Variants in ITIH5 observed in about 807,000 individuals in gnomAD.
ITIH5 encodes inter-alpha-trypsin inhibitor heavy chain H5.
Under a neutral mutation model 77.5 loss-of-function variants are expected in ITIH5, and 65 were observed. The ratio of observed to expected loss-of-function variants is 0.84; its 90% CI spans 0.69 to 1.03. The LOEUF is 1.03. Ranked by LOEUF, ITIH5 falls within the 50% of genes least tolerant of loss-of-function variation. ITIH5 has a pLI of 0.00. For synonymous variants in ITIH5, 525 were observed against 494.3 expected (o/e 1.06, Z -0.82); for missense variants, 1,208 against 1,213.1 (o/e 1.00, Z 0.06).
intron 13 of ITIH5, among the ~76,000 whole-genome samples, chr10:7,564,809 A>G (rs1217899081): frequency 5.9e-5 from 9 of 151,512 alleles, no homozygotes; most frequent in Non-Finnish European, 8.8e-5. Flanking sequence ...CTGTGTGTAT[A>G]TATACACACA....
rs1349018549 is a variant in ITIH5 at position 7,627,340 on chromosome 10, A to T, written c.652+9888T>A. On this transcript the variant is annotated intron_variant, in intron 5 of 13. Transcript: ENST00000397146. Reference sequence around the variant, plus strand: ...AATAAGAAGATAAAGTAAAAAAAAAAAAAAAAAAAATTAAACAGGTTCAAT... The same window carrying T: ...AATAAGAAGATAAAGTAAAAAAAAATAAAAAAAAAATTAAACAGGTTCAAT... 1.5e-3 allele frequency among the ~76,000 whole-genome samples: 222 copies of T among 151,964 alleles called. 2 individuals carry two copies. The highest frequency in any genetic ancestry group is 5.1e-3 in the African/African-American group (210 of 41,512).
intron 7 of ITIH5, among the ~76,000 whole-genome samples, chr10:7,603,407 A>G (rs1170687114): frequency 6.6e-6 from 1 of 152,142 alleles, no homozygotes; most frequent in Non-Finnish European, 1.5e-5. Context: ...GTGAACAAGC[A>G]ATGACTGCTA....
At chr10:7,655,744 G>GAAT in intron 1 of ITIH5, 69 bp from the exon 2 acceptor site, 4 of 1,216,512 alleles carry the variant, frequency 3.3e-6, no homozygotes, top group Non-Finnish European at 4.9e-6. Flanking sequence ...ATGATTGTGA[G>GAAT]GTCATTCTCA....
In ITIH5 at chr10:7,586,125, C is replaced by T. The variant is rs1000331999; in HGVS notation, c.940-56G>A. On this transcript the variant is annotated intron_variant, in intron 7 of 13. Transcript: ENST00000397146. ...AGCTGCTCACATAAGTCCACTTGTC[C>T]CCTGTTCTAGAAACCGCCCCCGCCC... The T allele has an allele frequency of 3.3e-5, 50 of 1,511,212 alleles. 1 individual carries two copies. In the South Asian group the frequency reaches 5.2e-4, roughly 16 times the overall value. The allele number at this position is 1,511,212 out of a possible 1,614,324, so 93.6% of individuals were successfully genotyped here.
chr10:7,567,679 G>C (rs1233716854), intron 12 of ITIH5, among the ~76,000 whole-genome samples: 3 of 152,100 alleles, frequency 2.0e-5, no homozygotes, highest in African/African-American at 7.2e-5. Flanking sequence ...GTTGTTTTTT[G>C]TTTTGTTTTT....
intron 2 of ITIH5, among the ~76,000 whole-genome samples, chr10:7,651,996 G>C (rs769235201): frequency 6.6e-6 from 1 of 152,120 alleles, no homozygotes; most frequent in Non-Finnish European, 1.5e-5. Context: ...ACAAACTGTA[G>C]AACACCTGCT....
At chr10:7,659,016 G>A (rs894915617) in intron 1 of ITIH5, among the ~76,000 whole-genome samples, 1 of 152,060 alleles carries the variant, frequency 6.6e-6, no homozygotes, top group South Asian at 2.1e-4. Flanking sequence ...TGGTTGGCGG[G>A]CCTTCAAATT....
intron 3 of ITIH5, among the ~76,000 whole-genome samples, chr10:7,641,414 C>G (rs181334890): frequency 9.2e-5 from 14 of 151,822 alleles, no homozygotes; most frequent in Non-Finnish European, 1.5e-4. Flanking sequence ...GTTCATTTAT[C>G]TATTGACTGG....
rs75953900 is a variant in ITIH5, at chr10:7,655,300, T to G, written c.135+331A>C. Among the ~76,000 whole-genome samples the G allele has an allele frequency of 6.9e-3, 1,046 of 152,286 alleles. 15 individuals carry two copies. Among genetic ancestry groups the G allele is most frequent in the African/African-American group, 0.023 (974 of 41,562 alleles). On this transcript the variant is annotated intron_variant, in intron 2 of 13. Coordinates refer to ENST00000397146, the MANE Select transcript of ITIH5 (RefSeq NM_030569.7). ...ATGTCAATTCTTTGGTTGCTTTAGT[T>G]GTTTACTTCACAACAAAGCTCTCAT...
chr10:7,662,837 A>G (rs555765052), intron 1 of ITIH5, among the ~76,000 whole-genome samples: 29 of 152,224 alleles, frequency 1.9e-4, no homozygotes, highest in Non-Finnish European at 3.7e-4. Context: ...AATGGCCAGA[A>G]GCTTACAAAA....
At chr10:7,609,350 T>G in intron 7 of ITIH5, 1 of 427,486 alleles carries the variant, frequency 2.3e-6, no homozygotes, top group Admixed American at 2.6e-5. Flanking sequence ...CTGTGAAGAG[T>G]TGGGAATGCA....
intron 5 of ITIH5, among the ~76,000 whole-genome samples, chr10:7,625,776 AGAAAG>A (rs386740593): frequency 8.8e-6 from 1 of 113,030 alleles, no homozygotes; most frequent in East Asian, 3.4e-4. Context: ...AAAAAAAAAA[AGAAAG>A]AAAGAAAGAA....
intron 8 of ITIH5, among the ~76,000 whole-genome samples, chr10:7,581,781 C>T (rs769590674): frequency 2.3e-4 from 29 of 124,786 alleles, no homozygotes; most frequent in Non-Finnish European, 3.6e-4. Flanking sequence ...AGGCTGGTCT[C>T]GAACTCCTGG....
chr10:7,659,661 T>G (rs1329424361), intron 1 of ITIH5, among the ~76,000 whole-genome samples: 1 of 152,154 alleles, frequency 6.6e-6, no homozygotes, highest in African/African-American at 2.4e-5. Context: ...TAAAATAGGT[T>G]TTCTGAGAAA....
At chr10:7,564,468 T>C (rs931218609) in intron 13 of ITIH5, among the ~76,000 whole-genome samples, 13 of 152,160 alleles carry the variant, frequency 8.5e-5, no homozygotes, top group Admixed American at 2.6e-4. Flanking sequence ...ACCTTTTCTA[T>C]GTCTAGATAT....
In ITIH5 at chr10:7,579,923, A is replaced by G; in HGVS notation, c.1250T>C (p.Leu417Pro). The G allele has an allele frequency of 6.2e-7, 1 of 1,614,124 alleles. No individual in the cohort carries two copies. Among genetic ancestry groups the G allele is most frequent in the South Asian group, 1.1e-5 (1 of 91,082 alleles). The change falls in exon 9 of 14, where the codon CTC becomes CCC. Residue 417 changes from leucine (L) to proline (P), a missense_variant. Physicochemically the swap from Leu to Pro is moderately conservative, Grantham distance 98. Coordinates refer to ENST00000397146, the MANE Select transcript of ITIH5 (RefSeq NM_030569.7). ...GKPTVGETHT[L>P]KILNNTREAA... ...CTCTCGGGTGTTGTTGAGGATCTTGAGGGTGTGCGTCTCCCCGACCGTGGG... is the reference window on the plus strand; with the variant it reads ...CTCTCGGGTGTTGTTGAGGATCTTGGGGGTGTGCGTCTCCCCGACCGTGGG...
chr10:7,637,838 G>T (rs947821501), intron 4 of ITIH5, among the ~76,000 whole-genome samples: 1 of 152,148 alleles, frequency 6.6e-6, no homozygotes, highest in Non-Finnish European at 1.5e-5. Flanking sequence ...CCTTTACAAG[G>T]ATGGCCAATG....
Position 7,642,062 on chromosome 10 carries a change from G to C in ITIH5, c.164C>G (p.Ser55Ter), listed in dbSNP as rs779639164. 5 of 1,614,042 alleles carry C rather than the reference G, an allele frequency of 3.1e-6. No individual in the cohort carries two copies. Among genetic ancestry groups the C allele is most frequent in the Non-Finnish European group, 4.2e-6 (5 of 1,179,928 alleles). ...LKTKPLMTEF[S>*]VKSTIISRYA... ...ACGGGAAATGATGGTAGACTTCACT[G>C]AGAATTCTGTCATCAAAGGTTTGGT... Residue 55 changes from serine to a stop codon, truncating the protein, a stop_gained, in exon 3 of 14, where the codon TCA becomes TGA. Coordinates refer to ENST00000397146, the MANE Select transcript of ITIH5 (RefSeq NM_030569.7). LOFTEE classifies it high-confidence loss of function.
intron 10 of ITIH5, among the ~76,000 whole-genome samples, chr10:7,574,117 A>G (rs1049867885): frequency 2.6e-5 from 4 of 152,250 alleles, no homozygotes; most frequent in African/African-American, 9.6e-5. Flanking sequence ...AGATTTTGAA[A>G]CACTTTGTAT....
Sources: gnomAD v4.1 joint callset for allele counts (sites outside exome capture counted in the v4.1 genomes callset) on GRCh38, gnomAD v4.1.1 for gene constraint, MANE v1.5 for transcripts, NCBI Gene and HGNC (gene_info 2026-07-23, HGNC 2026-07-21) for gene names.